The following TENM4 variants were observed in gnomAD, a reference collection of about 807,000 sequenced individuals.
TENM4 encodes the protein teneurin-4.
TENM4 carries 82 observed loss-of-function variants against 243.3 expected under a neutral mutation model. The ratio of observed to expected loss-of-function variants is 0.34; its 90% CI spans 0.28 to 0.40. The LOEUF is 0.40. Ranked by LOEUF, TENM4 falls within the 10% of genes least tolerant of loss-of-function variation. The pLI, the probability that TENM4 is intolerant of heterozygous loss-of-function variation, is 1.00. For synonymous variants in TENM4, 1,412 were observed against 1,456.3 expected, an observed-to-expected ratio of 0.97 and a Z score of 0.69; for missense variants, 3,138 against 3,673.3, an observed-to-expected ratio of 0.85 and a Z score of 3.77.
chr11:78,769,712 T>G (rs892193770), intron 18 of TENM4, among the ~76,000 whole-genome samples: 1 of 151,778 alleles, frequency 6.6e-6, no homozygotes, highest in Non-Finnish European at 1.5e-5. Context: ...ATAAGCTCCC[T>G]GTTGACAATT....
chr11:79,104,694 GA>G (rs774079050), intron 4 of TENM4, among the ~76,000 whole-genome samples: 2 of 152,224 alleles, frequency 1.3e-5, no homozygotes, highest in Non-Finnish European at 2.9e-5. Flanking sequence ...GCCTTTGCAT[GA>G]TGTTCTGCTT....
chr11:78,836,492 A>G (rs548939801), intron 12 of TENM4, among the ~76,000 whole-genome samples: 1 of 152,316 alleles, frequency 6.6e-6, no homozygotes, highest in South Asian at 2.1e-4. Context: ...AAAGGAAAAA[A>G]GAAAAAATGG....
rs1858466872 is a variant in TENM4, at chr11:78,676,173, A to G, written c.5475T>C (p.Thr1825=). 2.0e-6 allele frequency: 3 copies of G among 1,531,842 alleles called. No individual in the cohort carries two copies. The highest frequency in any genetic ancestry group is 4.9e-5 in the East Asian group (2 of 40,832). The allele number at this position is 1,531,842 out of a possible 1,614,324, so 94.9% of individuals were successfully genotyped here. The change falls in exon 30 of 34, where the codon ACT becomes ACC. Residue 1825 remains threonine (T), a synonymous_variant. Coordinates refer to ENST00000278550, the MANE Select transcript of TENM4 (RefSeq NM_001098816.3). ...QRKEQARGQV[T]VFGRRLRVHN... ...TCACCCGCAGCCGGCGCCCAAAGAC[A>G]GTGACCTGGCCCCGAGCCTGCTCTT...
In TENM4 at chr11:79,383,904, C is replaced by T. The variant is rs758762580; in HGVS notation, c.-321+56605G>A. Reference sequence around the variant, plus strand: ...CAGAAATGAATGTTCACATAAGGCACGTCCCTGCCCTTCAGCACTGCCAGA... The same window carrying T: ...CAGAAATGAATGTTCACATAAGGCATGTCCCTGCCCTTCAGCACTGCCAGA... On this transcript the variant is annotated intron_variant, in intron 1 of 33. Transcript: ENST00000278550. 3.3e-5 allele frequency among the ~76,000 whole-genome samples: 5 copies of T among 152,186 alleles called. No individual in the cohort carries two copies. The East Asian group carries it at 9.6e-4, about 29-fold the overall frequency.
chr11:78,698,246 A>G (rs1859013391), intron 28 of TENM4, among the ~76,000 whole-genome samples: 1 of 152,124 alleles, frequency 6.6e-6, no homozygotes, highest in Non-Finnish European at 1.5e-5. Flanking sequence ...TACTAAAAAT[A>G]CAAAAATTAG....
intron 12 of TENM4, 85 bp downstream of exon 12, chr11:78,854,019 G>T (rs1223499759): frequency 7.5e-7 from 1 of 1,326,698 alleles, no homozygotes; most frequent in Non-Finnish European, 1.0e-6. Context: ...ACATCCCCTT[G>T]TCAGTGTCAG....
At chr11:78,943,926 G>GT in intron 6 of TENM4, among the ~76,000 whole-genome samples, 1 of 152,364 alleles carries the variant, frequency 6.6e-6, no homozygotes, top group Non-Finnish European at 1.5e-5. Flanking sequence ...GCACAAAGGT[G>GT]TGTGTATAAC....
At chr11:79,073,372 C>G (rs1053460143) in intron 4 of TENM4, among the ~76,000 whole-genome samples, 5 of 152,304 alleles carry the variant, frequency 3.3e-5, no homozygotes, top group African/African-American at 1.2e-4. Flanking sequence ...GCACATGCAG[C>G]CCACTAGATG....
At chr11:78,907,413 T>C (rs1042948646) in intron 6 of TENM4, among the ~76,000 whole-genome samples, 2 of 152,158 alleles carry the variant, frequency 1.3e-5, no homozygotes, top group South Asian at 2.1e-4. Flanking sequence ...GTGCCAAGTA[T>C]TGTACACTAG....
At chr11:79,016,324 A>T (rs1858773674) in intron 6 of TENM4, among the ~76,000 whole-genome samples, 1 of 152,112 alleles carries the variant, frequency 6.6e-6, no homozygotes, top group Non-Finnish European at 1.5e-5. Flanking sequence ...TGGAGGTGGA[A>T]CCAACAGGAC....
At chr11:78,958,171 A>AAG (rs1857246299) in intron 6 of TENM4, among the ~76,000 whole-genome samples, 1 of 152,182 alleles carries the variant, frequency 6.6e-6, no homozygotes, top group Admixed American at 6.5e-5. Flanking sequence ...GAGCACATAG[A>AAG]AAGTCCTTAT....
intron 1 of TENM4, among the ~76,000 whole-genome samples, chr11:79,325,907 C>T (rs746213347): frequency 1.4e-4 from 22 of 152,208 alleles, no homozygotes; most frequent in African/African-American, 2.9e-4. Flanking sequence ...CAGGAAATTT[C>T]GCACCAGGGT....
At chr11:79,369,876 A>C (rs1395900268) in intron 1 of TENM4, among the ~76,000 whole-genome samples, 1 of 152,190 alleles carries the variant, frequency 6.6e-6, no homozygotes, top group Non-Finnish European at 1.5e-5. Flanking sequence ...GAAATTATTT[A>C]ATAAATGGCT....
chr11:79,189,643 G>A (rs996239099), intron 3 of TENM4, among the ~76,000 whole-genome samples: 1 of 152,298 alleles, frequency 6.6e-6, no homozygotes, highest in African/African-American at 2.4e-5. Flanking sequence ...GGTCTTAATC[G>A]TCTTTTTATG....
chr11:78,921,668 G>C (rs146662056), intron 6 of TENM4, among the ~76,000 whole-genome samples: 1 of 152,336 alleles, frequency 6.6e-6, no homozygotes, highest in African/African-American at 2.4e-5. Flanking sequence ...ACCAAGGCAA[G>C]GAGGGAGGTG....
intron 1 of TENM4, among the ~76,000 whole-genome samples, chr11:79,356,054 G>A (rs1434279713): frequency 6.6e-6 from 1 of 152,202 alleles, no homozygotes; most frequent in Non-Finnish European, 1.5e-5. Flanking sequence ...AGCACTGTGA[G>A]CCACCCAGTG....
intron 32 of TENM4, among the ~76,000 whole-genome samples, chr11:78,664,288 T>C (rs1480057028): frequency 6.6e-6 from 1 of 152,132 alleles, no homozygotes; most frequent in Non-Finnish European, 1.5e-5. Flanking sequence ...TTTTTTGAGA[T>C]GGGATCTTGC....
intron 25 of TENM4, among the ~76,000 whole-genome samples, chr11:78,717,548 G>A (rs1359535818): frequency 6.6e-6 from 1 of 152,190 alleles, no homozygotes; most frequent in Non-Finnish European, 1.5e-5. Context: ...CTGAGAAATG[G>A]GGATAGTCAC....
chr11:79,365,833 T>C (rs1248515156), intron 1 of TENM4, among the ~76,000 whole-genome samples: 1 of 152,142 alleles, frequency 6.6e-6, no homozygotes, highest in Admixed American at 6.5e-5. Flanking sequence ...TTGAGGAACA[T>C]GCAGATGCCC....
Sources: allele counts gnomAD v4.1 joint callset (sites outside exome capture counted in the v4.1 genomes callset), GRCh38; gene constraint gnomAD v4.1.1; transcripts MANE v1.5; gene names NCBI Gene and HGNC (gene_info 2026-07-23, HGNC 2026-07-21).